C14orf39: variants seen among roughly 807,000 people sequenced by gnomAD.
The protein encoded by C14orf39 is protein SIX6OS1.
C14orf39 carries 66 observed loss-of-function variants against 85.6 expected under a neutral mutation model. The observed-to-expected ratio is 0.77, with a 90% CI of 0.63 to 0.95. The LOEUF (loss-of-function observed/expected upper bound fraction) is 0.95. Ranked by LOEUF, C14orf39 falls within the 40% of genes least tolerant of loss-of-function variation. The pLI is 0.00. For synonymous variants in C14orf39, 242 were observed against 214.0 expected (o/e 1.13, Z -1.14); for missense variants, 735 against 663.9 (o/e 1.11, Z -1.18).
At chr14:60,458,614 AAT>A in intron 14 of C14orf39, 62 bp downstream of exon 14, 2 of 1,171,232 alleles carry the variant, frequency 1.7e-6, no homozygotes, top group South Asian at 1.3e-5. Context: ...CTGAAATTTA[AAT>A]AGACATAATA....
At chr14:60,456,779 T>C in intron 15 of C14orf39, 138 bp downstream of exon 15, 2 of 664,528 alleles carry the variant, frequency 3.0e-6, no homozygotes, top group Non-Finnish European at 4.8e-6. Context: ...GTTATATTAG[T>C]CTTTCTCTTC....
intron 1 of C14orf39, among the ~76,000 whole-genome samples, chr14:60,510,609 C>T (rs772983086): frequency 1.4e-4 from 22 of 152,160 alleles, no homozygotes; most frequent in Non-Finnish European, 2.9e-5. Context: ...CCCAAATGCT[C>T]CTTACAATCC....
At chr14:60,458,934 G>C (rs1228720074) in intron 13 of C14orf39, among the ~76,000 whole-genome samples, 195 bp from the exon 14 acceptor site, 3 of 151,454 alleles carry the variant, frequency 2.0e-5, no homozygotes, top group Non-Finnish European at 3.0e-5. Flanking sequence ...AAATTATAAA[G>C]AGAATACCCA....
intron 4 of C14orf39, among the ~76,000 whole-genome samples, chr14:60,478,600 T>A (rs1425689427): frequency 6.6e-6 from 1 of 152,186 alleles, no homozygotes. Context: ...TATTCATGAA[T>A]TTTTATATTA....
At chr14:60,458,273 T>C (rs866294865) in intron 14 of C14orf39, among the ~76,000 whole-genome samples, 7 of 151,904 alleles carry the variant, frequency 4.6e-5, no homozygotes, top group Admixed American at 3.3e-4. Flanking sequence ...CGTTCCTTCT[T>C]CCCCACTACC....
intron 4 of C14orf39, among the ~76,000 whole-genome samples, chr14:60,482,824 G>A (rs1892698932): frequency 6.6e-6 from 1 of 151,836 alleles, no homozygotes; most frequent in Admixed American, 6.6e-5. Context: ...TAAAAAGCAA[G>A]TTGCAGAATG....
At chr14:60,450,780 C>T (rs1890995211) in intron 16 of C14orf39, among the ~76,000 whole-genome samples, 2 of 152,272 alleles carry the variant, frequency 1.3e-5, no homozygotes, top group Non-Finnish European at 1.5e-5. Flanking sequence ...CCTCCCCCCA[C>T]TCCAGGCAGC....
rs531507693 is a variant in C14orf39 at position 60,505,037 on chromosome 14, T to C, written c.-143-5607A>G. Reference sequence around the variant, plus strand: ...TTTAAAAATAGCTGATGAAGAATAATAACAAAATATACTAATCTCTTAAAA... The same window carrying C: ...TTTAAAAATAGCTGATGAAGAATAACAACAAAATATACTAATCTCTTAAAA... On this transcript the variant is annotated intron_variant, in intron 1 of 5. Transcript: ENST00000556799. Among the ~76,000 whole-genome samples the C allele has an allele frequency of 5.3e-5, 8 of 152,320 alleles. No homozygotes were observed. In the South Asian group the frequency reaches 1.5e-3, roughly 28 times the overall value.
chr14:60,469,125 T>C (rs1002400905), intron 8 of C14orf39, among the ~76,000 whole-genome samples: 12 of 151,170 alleles, frequency 7.9e-5, no homozygotes, highest in African/African-American at 2.9e-4. Context: ...TATAGTCATA[T>C]ATTTTTCAAG....
At chr14:60,438,932 G>A (rs1019370537) in intron 17 of C14orf39, among the ~76,000 whole-genome samples, 1 of 152,142 alleles carries the variant, frequency 6.6e-6, no homozygotes, top group South Asian at 2.1e-4. Flanking sequence ...ACTGGTTAAT[G>A]AGTATAAAAA....
At chr14:60,460,328 T>C (rs565509355) in intron 13 of C14orf39, among the ~76,000 whole-genome samples, 4 of 151,838 alleles carry the variant, frequency 2.6e-5, no homozygotes, top group Middle Eastern at 3.4e-3. Flanking sequence ...TATAAACAAG[T>C]AAAACAGATC....
intron 1 of C14orf39, chr14:60,512,425 G>A (rs1476636864): frequency 6.6e-6 from 1 of 152,164 alleles, no homozygotes; most frequent in African/African-American, 2.4e-5. Context: ...GATGATAGAA[G>A]AGGTTGTAAA....
intron 14 of C14orf39, among the ~76,000 whole-genome samples, chr14:60,457,911 A>G (rs1184129892): frequency 1.3e-5 from 2 of 151,902 alleles, no homozygotes; most frequent in African/African-American, 2.4e-5. Context: ...ATTTTCATCA[A>G]TCATTATTTA....
Position 60,509,932 on chromosome 14 carries a change from C to T in C14orf39, c.-144+5463G>A, listed in dbSNP as rs1478953116. On this transcript the variant is annotated intron_variant, in intron 1 of 5. Transcript: ENST00000556799. ...CGCAGGTGGGCAACTGGTTCAAAAA[C>T]CGCCGACAAAGGGACCGAGCGGCTG... 4.3e-6 allele frequency: 7 copies of T among 1,610,694 alleles called. No homozygotes were observed. Among genetic ancestry groups the T allele is most frequent in the Non-Finnish European group, 5.1e-6 (6 of 1,178,358 alleles).
At chr14:60,459,142 T>A (rs946347092) in intron 13 of C14orf39, among the ~76,000 whole-genome samples, 1 of 151,812 alleles carries the variant, frequency 6.6e-6, no homozygotes, top group African/African-American at 2.4e-5. Flanking sequence ...TAAAATAACA[T>A]ATGTATGCTC....
At chr14:60,489,834 C>A (rs997505051), upstream of C14orf39, among the ~76,000 whole-genome samples, 3 of 152,224 alleles carry the variant, frequency 2.0e-5, no homozygotes, top group Non-Finnish European at 4.4e-5. Context: ...ATTTCTCTCA[C>A]AGCCAACCTG....
chr14:60,470,336 T>A (rs1461867283), intron 7 of C14orf39, among the ~76,000 whole-genome samples: 2 of 151,934 alleles, frequency 1.3e-5, no homozygotes, highest in African/African-American at 2.4e-5. Flanking sequence ...TAGTGACAGT[T>A]AACAAGAATT....
intron 5 of C14orf39, among the ~76,000 whole-genome samples, chr14:60,476,150 A>T (rs1892367595): frequency 6.6e-6 from 1 of 152,234 alleles, no homozygotes; most frequent in African/African-American, 2.4e-5. Flanking sequence ...ATATTTGCTA[A>T]TTAAGACCCA....
Position 60,505,297 on chromosome 14 carries a change from T to C in C14orf39, c.-143-5867A>G, listed in dbSNP as rs868249821. Among the ~76,000 whole-genome samples, 11 of 152,336 alleles carry C rather than the reference T, an allele frequency of 7.2e-5. No individual in the cohort carries two copies. In the South Asian group the frequency reaches 2.3e-3, roughly 32 times the overall value. ...CTTTAAAAGTAGGATATTGAATTCA[T>C]TCCAAAATCTGAAGGTCTGTACTAC... is the stretch of plus-strand genomic sequence containing the variant. On this transcript the variant is annotated intron_variant, in intron 1 of 5. Coordinates refer to the C14orf39 transcript ENST00000556799.
Sources: allele counts gnomAD v4.1 joint callset (sites outside exome capture counted in the v4.1 genomes callset), GRCh38; gene constraint gnomAD v4.1.1; transcripts MANE v1.5; gene names NCBI Gene and HGNC (gene_info 2026-07-23, HGNC 2026-07-21).